Variants in HIVEP3 observed in about 807,000 individuals in gnomAD.
HIVEP3 encodes transcription factor HIVEP3.
A neutral mutation model predicts 152.8 loss-of-function variants in HIVEP3; 49 were observed. The ratio of observed to expected loss-of-function variants is 0.32; its 90% confidence interval spans 0.26 to 0.41. The LOEUF is 0.41. Ranked by LOEUF, HIVEP3 falls within the 10% of genes least tolerant of loss-of-function variation. HIVEP3 has a pLI of 1.00. For synonymous variants in HIVEP3, 1,269 were observed against 1,289.0 expected (o/e 0.98, Z 0.33); for missense variants, 2,790 against 3,103.3 (o/e 0.90, Z 2.40).
chr1:42,005,920 G>A (rs1006783432), intron 1 of HIVEP3, among the ~76,000 whole-genome samples: 4 of 152,216 alleles, frequency 2.6e-5, no homozygotes, highest in African/African-American at 9.7e-5. Flanking sequence ...TTCAGTGAGA[G>A]TGGTTTAGAA....
intron 3 of HIVEP3, among the ~76,000 whole-genome samples, chr1:41,620,408 G>A (rs1416535400): frequency 1.3e-5 from 2 of 152,202 alleles, no homozygotes; most frequent in Non-Finnish European, 2.9e-5. Flanking sequence ...TGATTTGGCT[G>A]TTCAAATCTC....
chr1:41,915,986 G>C (rs1422869540), intron 1 of HIVEP3, among the ~76,000 whole-genome samples: 1 of 152,190 alleles, frequency 6.6e-6, no homozygotes, highest in Non-Finnish European at 1.5e-5. Flanking sequence ...GGGCAAAAAA[G>C]AGCCTTAAAG....
At chr1:41,834,764 TCA>T (rs958879082) in intron 1 of HIVEP3, among the ~76,000 whole-genome samples, 2 of 152,108 alleles carry the variant, frequency 1.3e-5, no homozygotes, top group African/African-American at 4.8e-5. Context: ...CAATACAGTA[TCA>T]GTTAGTAATA....
chr1:41,918,038 G>A lies in HIVEP3; in HGVS notation c.-801+375C>T, dbSNP rs565027806. ...CTCCTATGGAGCCGGCCGCCAGTGC[G>A]CGGGTGCAGAGCCCAGCAGAGCCTG... On this transcript the variant is annotated intron_variant, in intron 1 of 8. Coordinates refer to ENST00000372583, the MANE Select transcript of HIVEP3 (RefSeq NM_024503.5). This position sits in a 1 kb window ranked among gnomAD's most constrained non-coding sequence, Gnocchi z 4.3. Among the ~76,000 whole-genome samples the A allele has an allele frequency of 6.6e-6, 1 of 152,202 alleles. No homozygotes were observed. Among genetic ancestry groups the A allele is most frequent in the Admixed American group, 6.5e-5 (1 of 15,284 alleles).
intron 1 of HIVEP3, among the ~76,000 whole-genome samples, chr1:41,796,945 C>T (rs1229223610): frequency 6.6e-6 from 1 of 152,152 alleles, no homozygotes; most frequent in African/African-American, 2.4e-5. Context: ...TTTCTCTCTC[C>T]TGCTGATCCA....
chr1:41,778,150 T>C (rs1648827011), intron 1 of HIVEP3, among the ~76,000 whole-genome samples: 1 of 152,172 alleles, frequency 6.6e-6, no homozygotes, highest in Non-Finnish European at 1.5e-5. Flanking sequence ...TCTCCTTATC[T>C]TCGGTAATGA....
chr1:41,581,587 C>G lies in HIVEP3; in HGVS notation c.3211G>C (p.Glu1071Gln), dbSNP rs1644410162. Residue 1071 changes from glutamate (E) to glutamine (Q), a missense_variant, in exon 4 of 9, where the codon GAA becomes CAA. Glu to Gln is a conservative substitution (Grantham distance 29). Around this residue, in one of 9 missense-constraint regions of HIVEP3, gnomAD observed 1,078 missense variants for 1,165.3 expected, o/e 0.93. Coordinates refer to ENST00000372583, the MANE Select transcript of HIVEP3 (RefSeq NM_024503.5). This position sits in a 1 kb window ranked among gnomAD's most constrained non-coding sequence, Gnocchi z 4.5. ...GGTTTACTGGATGAGGGCTGTGGTT[C>G]TTCGCTCTCCTGTCTTCCCTTGGGG... Reference protein sequence around the residue: ...VAPKGRQESEEPQPSSSKPSA... With the variant: ...VAPKGRQESEQPQPSSSKPSA... 6.2e-7 allele frequency: 1 copy of G among 1,613,370 alleles called. No individual in the cohort carries two copies. Among genetic ancestry groups the G allele is most frequent in the Non-Finnish European group, 8.5e-7 (1 of 1,179,728 alleles).
At chr1:41,518,160 A>G (rs1642661724) in intron 7 of HIVEP3, among the ~76,000 whole-genome samples, 1 of 152,240 alleles carries the variant, frequency 6.6e-6, no homozygotes, top group Admixed American at 6.5e-5. Flanking sequence ...GTAATGCATG[A>G]TAGCTAGGGC....
At chr1:41,813,036 A>G (rs1301216235) in intron 1 of HIVEP3, among the ~76,000 whole-genome samples, 1 of 151,912 alleles carries the variant, frequency 6.6e-6, no homozygotes, top group Non-Finnish European at 1.5e-5. Flanking sequence ...CATTTTATCT[A>G]TTTTATTTTA....
intron 1 of HIVEP3, among the ~76,000 whole-genome samples, chr1:41,811,617 C>A (rs1287615988): frequency 6.6e-6 from 1 of 151,786 alleles, no homozygotes; most frequent in Admixed American, 6.6e-5. Flanking sequence ...TAGTGACGGG[C>A]CCAGAGCACC....
At chr1:41,702,460 T>C (rs895712121) in intron 1 of HIVEP3, among the ~76,000 whole-genome samples, 1 of 152,258 alleles carries the variant, frequency 6.6e-6, no homozygotes, top group Non-Finnish European at 1.5e-5. Context: ...AGGTAAGTTA[T>C]TTAACCTCTC....
chr1:41,577,244 C>T (rs716018), intron 4 of HIVEP3, among the ~76,000 whole-genome samples: 30,330 of 152,146 alleles, frequency 0.2, 3,865 homozygotes, highest in East Asian at 0.47. Flanking sequence ...TTACTGAGTG[C>T]CAGTGTGGCA....
rs1644393518 is a variant in HIVEP3, at chr1:41,580,865, T to C, written c.3933A>G (p.Pro1311=). 7 of 1,605,098 alleles carry C rather than the reference T, an allele frequency of 4.4e-6. No homozygotes were observed. The highest frequency in any genetic ancestry group is 6.0e-6 in the Non-Finnish European group (7 of 1,176,106). The change falls in exon 4 of 9, where the codon CCA becomes CCG. Residue 1311 remains proline (P), a synonymous_variant. Transcript: ENST00000372583. The part of the protein sequence containing the change: ...SAPPLALPAC[P]DTMVSLVVPV... Reference sequence around the variant, plus strand: ...GCACAACCAGGGACACCATGGTGTCTGGACAGGCAGGCAGGGCCAGTGGAG... The same window carrying C: ...GCACAACCAGGGACACCATGGTGTCCGGACAGGCAGGCAGGGCCAGTGGAG...
chr1:41,513,202 C>T lies in HIVEP3; in HGVS notation c.6019G>A (p.Ala2007Thr), dbSNP rs1642491604. ...ACGTGCAGGCCAGGTGGGCTTGGGG[C>T]TGAGGCCTGTGGTTCTCGGGCCGGG... ...CSPAREPQAS[A>T]PSPPGLHVDP... Residue 2007 changes from alanine (A) to threonine (T), a missense_variant, in exon 8 of 9, where the codon GCC (alanine) becomes ACC (threonine). Around this residue, in one of 9 missense-constraint regions of HIVEP3, gnomAD observed 816 missense variants for 806.5 expected, o/e 1.01. Coordinates refer to ENST00000372583, the MANE Select transcript of HIVEP3 (RefSeq NM_024503.5). 1.2e-6 allele frequency: 2 copies of T among 1,613,788 alleles called. No individual in the cohort carries two copies. The highest frequency in any genetic ancestry group is 4.5e-5 in the East Asian group (2 of 44,878).
intron 1 of HIVEP3, among the ~76,000 whole-genome samples, chr1:41,938,927 C>A (rs967428795): frequency 4.6e-5 from 7 of 152,202 alleles, no homozygotes; most frequent in Non-Finnish European, 8.8e-5. Context: ...TCAAAGCCAG[C>A]CTTTCTGGAC....
chr1:41,895,857 A>G (rs1227546059), intron 1 of HIVEP3, among the ~76,000 whole-genome samples: 10 of 152,212 alleles, frequency 6.6e-5, no homozygotes, highest in African/African-American at 2.4e-4. Context: ...GCTAAGGGCA[A>G]AGAAACGGCT....
Position 41,545,030 on chromosome 1 carries a change from C to CATCACCACCTCT in HIVEP3, c.5208-20121_5208-20120insAGAGGTGGTGAT, listed in dbSNP as rs1643698997. Among the ~76,000 whole-genome samples the CATCACCACCTCT allele has an allele frequency of 1.3e-4, 14 of 106,788 alleles. 1 individual carries two copies. Among genetic ancestry groups the CATCACCACCTCT allele is most frequent in the Non-Finnish European group, 1.8e-4 (8 of 45,612 alleles). 70.1% of individuals were successfully genotyped at this position (106,788 alleles called of 152,430 possible). A position where few individuals can be genotyped will look rare whatever the true frequency, so the allele number is the denominator to read the frequency against. On this transcript the variant is annotated intron_variant, in intron 5 of 8. Transcript: ENST00000372583. ...CCACCACCACCACTACCACCACCACCACCACCAATACCACTACCACCACCA... is the reference window on the plus strand; with the variant it reads ...CCACCACCACCACTACCACCACCACCATCACCACCTCTACCACCAATACCACTACCACCACCA...
At chr1:41,925,952 A>G (rs1309854430) in intron 1 of HIVEP3, among the ~76,000 whole-genome samples, 1 of 152,154 alleles carries the variant, frequency 6.6e-6, no homozygotes, top group Non-Finnish European at 1.5e-5. Flanking sequence ...TGAAATGTAT[A>G]ATTTCCCAGC....
In HIVEP3 at chr1:41,510,637, G is replaced by A. The variant is rs1170442477; in HGVS notation, c.7035C>T (p.Ala2345=). The change falls in exon 9 of 9, where the codon GCC becomes GCT. Residue 2345 remains alanine, a synonymous_variant. Transcript: ENST00000372583. The part of the protein sequence containing the change: ...PRAPTNPEPS[A]TPPLDRSSSV... ...AGCTGCTGCGGTCCAGCGGCGGGGT[G>A]GCAGAAGGCTCGGGGTTGGTCGGTG... is the stretch of plus-strand genomic sequence containing the variant. 5 of 1,542,796 alleles carry A rather than the reference G, an allele frequency of 3.2e-6. No homozygotes were observed. Among genetic ancestry groups the A allele is most frequent in the Non-Finnish European group, 3.5e-6 (4 of 1,142,662 alleles).
Sources: gnomAD v4.1 joint callset for allele counts (sites outside exome capture counted in the v4.1 genomes callset) on GRCh38, gnomAD v4.1.1 for gene constraint, gnomAD v4.1.1 regional missense constraint, Gnocchi (gnomAD v3.1) non-coding constraint, MANE v1.5 for transcripts, NCBI Gene and HGNC (gene_info 2026-07-23, HGNC 2026-07-21) for gene names.